Variants in PRKCA observed in about 807,000 individuals in gnomAD.
PRKCA encodes the protein protein kinase C alpha.
Under a neutral mutation model 87.0 loss-of-function variants are expected in PRKCA, and 27 were observed. That is an observed-to-expected ratio of 0.31 (90% CI 0.23 to 0.43). The LOEUF (loss-of-function observed/expected upper bound fraction) is 0.43, where lower values mean the gene tolerates loss of function less well. Among genes scored for constraint, PRKCA ranks in the 20% least tolerant of loss-of-function variants. The probability of loss-of-function intolerance (pLI) is 1.00; values close to 1 mark genes in which losing one functional copy is unlikely to be tolerated. For synonymous variants in PRKCA, 329 were observed against 311.1 expected (o/e 1.06, Z -0.61); for missense variants, 518 against 852.3 (o/e 0.61, Z 4.88).
intron 11 of PRKCA, 128 bp from the exon 12 acceptor site, chr17:66,741,531 G>A (rs1052577732): frequency 4.2e-5 from 39 of 924,942 alleles, no homozygotes; most frequent in South Asian, 4.1e-4. Context: ...GGAAGAACAC[G>A]ATGCTGGTCT....
chr17:66,653,105 C>T (rs548255569), intron 5 of PRKCA, among the ~76,000 whole-genome samples: 30 of 152,198 alleles, frequency 2.0e-4, no homozygotes, highest in South Asian at 6.2e-4. Context: ...ATGACACAGC[C>T]GGCCAGACTG....
chr17:66,693,064 T>A lies in PRKCA; in HGVS notation c.918+4017T>A, dbSNP rs141561664. Among the ~76,000 whole-genome samples, 1,098 of 152,382 alleles carry A rather than the reference T, an allele frequency of 7.2e-3. 15 individuals carry two copies. Among genetic ancestry groups the A allele is most frequent in the African/African-American group, 0.023 (950 of 41,588 alleles). On this transcript the variant is annotated intron_variant, in intron 8 of 16. Transcript: ENST00000413366. The stretch of plus-strand genomic sequence containing the variant: ...GAAACCAAACGAGCATTTACAACTC[T>A]GCCACTGCATTAGTATTCATTCGAT...
chr17:66,333,930 T>TAAAGTGTAAAAAAGTGCAA (rs1906505728), intron 2 of PRKCA, among the ~76,000 whole-genome samples: 5 of 152,156 alleles, frequency 3.3e-5, no homozygotes, highest in African/African-American at 9.7e-5. Context: ...GAACACCTAA[T>TAAAGTGTAAAAAAGTGCAA]ATAAAGTGTA....
chr17:66,606,679 G>A (rs1476742581), intron 3 of PRKCA, among the ~76,000 whole-genome samples: 1 of 152,148 alleles, frequency 6.6e-6, no homozygotes, highest in Admixed American at 6.5e-5. Flanking sequence ...CTGGGAAAGA[G>A]AGCAATATTT....
rs1555612572 is a variant in PRKCA, at chr17:66,511,068, T to TTG, written c.288+14785_288+14786insTG. Among the ~76,000 whole-genome samples the TTG allele has an allele frequency of 3.7e-3, 567 of 151,918 alleles. 4 individuals carry two copies. The highest frequency in any genetic ancestry group is 0.013 in the African/African-American group (537 of 41,422). On this transcript the variant is annotated intron_variant, in intron 3 of 16. Coordinates refer to ENST00000413366, the MANE Select transcript of PRKCA (RefSeq NM_002737.3). The stretch of plus-strand genomic sequence containing the variant: ...TTTACAATAGGTGAGGCATTTTTTT[T>TTG]CGTGTCATAAAACATGCCTGTGATG...
At chr17:66,479,639 T>G (rs983438889) in intron 2 of PRKCA, among the ~76,000 whole-genome samples, 2 of 152,034 alleles carry the variant, frequency 1.3e-5, no homozygotes, top group Non-Finnish European at 1.5e-5. Context: ...ATAAAGAAAA[T>G]GTGGTACATA....
chr17:66,763,404 T>A (rs974438589), intron 13 of PRKCA, among the ~76,000 whole-genome samples: 4 of 152,102 alleles, frequency 2.6e-5, no homozygotes, highest in Admixed American at 1.3e-4. Flanking sequence ...AAACCCAAGA[T>A]CCCAGCTGTC....
chr17:66,348,340 T>C (rs1907535323), intron 2 of PRKCA, among the ~76,000 whole-genome samples: 1 of 152,196 alleles, frequency 6.6e-6, no homozygotes, highest in Non-Finnish European at 1.5e-5. Flanking sequence ...GGGAAGAACA[T>C]AATTCCTGCT....
At chr17:66,570,021 A>AT (rs1439538481) in intron 3 of PRKCA, among the ~76,000 whole-genome samples, 5 of 152,182 alleles carry the variant, frequency 3.3e-5, no homozygotes, top group Admixed American at 6.5e-5. Context: ...TGTAGAATGG[A>AT]TTTTTTTGTA....
chr17:66,571,296 A>G (rs1486061278), intron 3 of PRKCA, among the ~76,000 whole-genome samples: 4 of 152,188 alleles, frequency 2.6e-5, no homozygotes, highest in Non-Finnish European at 5.9e-5. Flanking sequence ...GGATGGTTGA[A>G]TATACAGGAG....
intron 3 of PRKCA, among the ~76,000 whole-genome samples, chr17:66,629,422 C>A (rs1249602774): frequency 1.3e-5 from 2 of 152,154 alleles, no homozygotes; most frequent in Non-Finnish European, 2.9e-5. Context: ...CAGGGTACCT[C>A]ACACAATGAC....
intron 5 of PRKCA, among the ~76,000 whole-genome samples, chr17:66,674,400 C>G (rs962636001): frequency 1.3e-5 from 2 of 152,210 alleles, no homozygotes; most frequent in Admixed American, 1.3e-4. Flanking sequence ...ACGCATGGTG[C>G]TGTGCTGGGC....
At chr17:66,505,314 C>T (rs367988133) in intron 3 of PRKCA, among the ~76,000 whole-genome samples, 1 of 152,146 alleles carries the variant, frequency 6.6e-6, no homozygotes, top group African/African-American at 2.4e-5. Flanking sequence ...TCTTGACCCA[C>T]CAACCTCTGG....
intron 13 of PRKCA, among the ~76,000 whole-genome samples, chr17:66,743,083 C>G (rs1239277147): frequency 6.6e-6 from 1 of 152,212 alleles, no homozygotes; most frequent in Non-Finnish European, 1.5e-5. Flanking sequence ...GTAATCCCAG[C>G]ACTTTGGGAG....
At chr17:66,421,426 C>CTGTTTTT (rs1912483348) in intron 2 of PRKCA, among the ~76,000 whole-genome samples, 1 of 77,144 alleles carries the variant, frequency 1.3e-5, no homozygotes, top group South Asian at 4.6e-4. Flanking sequence ...GCCACAGCCT[C>CTGTTTTT]TGTTTTTTTT....
chr17:66,540,721 G>A (rs557154010), intron 3 of PRKCA, among the ~76,000 whole-genome samples: 59 of 152,282 alleles, frequency 3.9e-4, no homozygotes, highest in African/African-American at 1.3e-3. Flanking sequence ...TGAAACCCCC[G>A]GTTCTGTCTC....
At chr17:66,396,343 C>G (rs1330271669) in intron 2 of PRKCA, among the ~76,000 whole-genome samples, 1 of 152,014 alleles carries the variant, frequency 6.6e-6, no homozygotes, top group Non-Finnish European at 1.5e-5. Flanking sequence ...AAACACTAGG[C>G]AAAATTTTTC....
chr17:66,768,587 C>T (rs556621049), intron 13 of PRKCA, among the ~76,000 whole-genome samples: 1 of 152,304 alleles, frequency 6.6e-6, no homozygotes, highest in South Asian at 2.1e-4. Flanking sequence ...TCTCAGGAAA[C>T]TTACAATCAT....
intron 2 of PRKCA, among the ~76,000 whole-genome samples, chr17:66,325,783 G>A (rs959082791): frequency 2.0e-5 from 3 of 152,166 alleles, no homozygotes; most frequent in African/African-American, 4.8e-5. Flanking sequence ...ATTACTTTGA[G>A]TTTATAGGAC....
Sources: allele counts gnomAD v4.1 joint callset (sites outside exome capture counted in the v4.1 genomes callset), GRCh38; gene constraint gnomAD v4.1.1; transcripts MANE v1.5; gene names NCBI Gene and HGNC (gene_info 2026-07-23, HGNC 2026-07-21).